BMPR1B: variants seen among roughly 807,000 people sequenced by gnomAD.
The protein encoded by BMPR1B is bone morphogenetic protein receptor type-1B.
A neutral mutation model predicts 59.1 loss-of-function variants in BMPR1B; 12 were observed. The ratio of observed to expected loss-of-function variants is 0.20; its 90% CI spans 0.13 to 0.33. The LOEUF (loss-of-function observed/expected upper bound fraction) is 0.33, where lower values mean the gene tolerates loss of function less well. Ranked by LOEUF, BMPR1B falls within the 10% of genes least tolerant of loss-of-function variation. The pLI, the probability that BMPR1B is intolerant of heterozygous loss-of-function variation, is 1.00. For synonymous variants in BMPR1B, 237 were observed against 207.3 expected (o/e 1.14, Z -1.23); for missense variants, 550 against 610.9 (o/e 0.90, Z 1.05).
chr4:94,993,065 A>AT (rs1300670815), intron 2 of BMPR1B, among the ~76,000 whole-genome samples: 1 of 152,000 alleles, frequency 6.6e-6, no homozygotes, highest in African/African-American at 2.4e-5. Flanking sequence ...AATTTTTTAA[A>AT]TTTTTTGTAG....
chr4:95,083,235 A>G (rs1489275798), intron 3 of BMPR1B, among the ~76,000 whole-genome samples: 1 of 151,800 alleles, frequency 6.6e-6, no homozygotes, highest in Non-Finnish European at 1.5e-5. Context: ...ATTCTTTTTT[A>G]TTTTTTGCTT....
At chr4:94,882,303 A>G (rs2148980436) in intron 2 of BMPR1B, among the ~76,000 whole-genome samples, 1 of 152,322 alleles carries the variant, frequency 6.6e-6, no homozygotes, top group African/African-American at 2.4e-5. Flanking sequence ...CAATTCTTTC[A>G]CTAAATATAT....
At chr4:94,823,522 A>G (rs75487151) in intron 1 of BMPR1B, among the ~76,000 whole-genome samples, 328 of 152,294 alleles carry the variant, frequency 2.2e-3, no homozygotes, top group African/African-American at 7.6e-3. Context: ...AGAGACAACT[A>G]GCAGAGGAGA....
chr4:94,948,852 C>T lies in BMPR1B; in HGVS notation c.-112-47188C>T, dbSNP rs368663841. ...ATAGATAGAGAGATGAGTCTGGGGA[C>T]GAGAGGTTGTGAGGCATACCTTGCC... is the stretch of plus-strand genomic sequence containing the variant. On this transcript the variant is annotated intron_variant, in intron 2 of 12. Coordinates refer to ENST00000515059, the MANE Select transcript of BMPR1B (RefSeq NM_001203.3). Among the ~76,000 whole-genome samples the T allele has an allele frequency of 1.4e-4, 21 of 152,190 alleles. 1 individual carries two copies. The highest frequency in any genetic ancestry group is 3.3e-4 in the Admixed American group (5 of 15,286).
intron 2 of BMPR1B, among the ~76,000 whole-genome samples, chr4:94,987,868 T>G (rs1428595687): frequency 6.6e-6 from 1 of 152,158 alleles, no homozygotes; most frequent in African/African-American, 2.4e-5. Context: ...AAAGAAACAT[T>G]GAGAATTCAG....
chr4:95,116,326 A>G (rs1732030525), intron 6 of BMPR1B, among the ~76,000 whole-genome samples: 1 of 151,786 alleles, frequency 6.6e-6, no homozygotes, highest in African/African-American at 2.4e-5. Context: ...CTTTAAAATG[A>G]CAAATATTGC....
chr4:94,883,807 A>G (rs1048962258), intron 2 of BMPR1B, among the ~76,000 whole-genome samples: 1 of 152,076 alleles, frequency 6.6e-6, no homozygotes, highest in Non-Finnish European at 1.5e-5. Flanking sequence ...TTTTTGATTC[A>G]TGTCTCTATT....
chr4:94,795,275 A>G, intron 1 of BMPR1B, among the ~76,000 whole-genome samples: 2 of 145,472 alleles, frequency 1.4e-5, no homozygotes, highest in Admixed American at 7.0e-5. Context: ...CTATTGAGAT[A>G]ATCATGTGGT....
At chr4:94,847,874 A>G (rs1179996654) in intron 1 of BMPR1B, among the ~76,000 whole-genome samples, 1 of 152,192 alleles carries the variant, frequency 6.6e-6, no homozygotes, top group African/African-American at 2.4e-5. Context: ...TCTATTTGAT[A>G]GCAGCCAACA....
At chr4:94,921,733 A>G (rs940092319) in intron 2 of BMPR1B, among the ~76,000 whole-genome samples, 1 of 152,202 alleles carries the variant, frequency 6.6e-6, no homozygotes, top group African/African-American at 2.4e-5. Flanking sequence ...GTGGGGGCAC[A>G]GATCCAATTA....
intron 1 of BMPR1B, among the ~76,000 whole-genome samples, chr4:94,810,795 G>A (rs1723781400): frequency 6.6e-6 from 1 of 152,138 alleles, no homozygotes; most frequent in Non-Finnish European, 1.5e-5. Flanking sequence ...GGTGTTGAGT[G>A]GCTACCTCAG....
chr4:94,974,593 G>T (rs1730940432), intron 2 of BMPR1B, among the ~76,000 whole-genome samples: 1 of 152,074 alleles, frequency 6.6e-6, no homozygotes, highest in South Asian at 2.1e-4. Context: ...TCACATCTCT[G>T]TGAAGACTGA....
At chr4:94,887,442 T>C (rs1254229976) in intron 2 of BMPR1B, among the ~76,000 whole-genome samples, 1 of 96,030 alleles carries the variant, frequency 1.0e-5, no homozygotes, top group African/African-American at 4.2e-5. Flanking sequence ...AGAAGAAAAC[T>C]GTGTCTACAT....
At chr4:94,843,365 G>T (rs11934778) in intron 1 of BMPR1B, among the ~76,000 whole-genome samples, 93,398 of 152,060 alleles carry the variant, frequency 0.61, 29,687 homozygotes, top group African/African-American at 0.78. Context: ...TTTGAGCTCT[G>T]GCATGGGAGC....
chr4:95,007,867 A>G (rs925080001), intron 3 of BMPR1B, among the ~76,000 whole-genome samples: 2 of 152,236 alleles, frequency 1.3e-5, no homozygotes, highest in Admixed American at 6.5e-5. Flanking sequence ...GTCTATAGAA[A>G]TAATCAGTGG....
intron 3 of BMPR1B, among the ~76,000 whole-genome samples, chr4:95,068,942 A>C (rs1040721387): frequency 1.3e-5 from 2 of 152,206 alleles, no homozygotes; most frequent in Non-Finnish European, 2.9e-5. Context: ...ACATATAATG[A>C]AACCAATTTT....
At chr4:94,782,223 C>T (rs549603887) in intron 1 of BMPR1B, among the ~76,000 whole-genome samples, 61 of 152,012 alleles carry the variant, frequency 4.0e-4, no homozygotes, top group African/African-American at 1.4e-3. Context: ...TCTCCATTGA[C>T]CTATCTTGTT....
At chr4:94,769,739 G>C (rs1490082183) in intron 1 of BMPR1B, among the ~76,000 whole-genome samples, 1 of 152,192 alleles carries the variant, frequency 6.6e-6, no homozygotes, top group Non-Finnish European at 1.5e-5. Context: ...GATTCAGTCT[G>C]TTATTCTGTC....
chr4:94,899,237 A>G (rs753504810), intron 2 of BMPR1B, among the ~76,000 whole-genome samples: 6 of 151,958 alleles, frequency 3.9e-5, no homozygotes, highest in Admixed American at 6.6e-5. Flanking sequence ...ATAATCTAGG[A>G]TAGTCTTCCC....
Sources: allele counts gnomAD v4.1 joint callset (sites outside exome capture counted in the v4.1 genomes callset), GRCh38; gene constraint gnomAD v4.1.1; transcripts MANE v1.5; gene names NCBI Gene and HGNC (gene_info 2026-07-23, HGNC 2026-07-21).